PECR: variants seen among roughly 807,000 people sequenced by gnomAD.
PECR encodes peroxisomal trans-2-enoyl-CoA reductase, also known as 2,4-dienoyl-CoA reductase-related protein.
A neutral mutation model predicts 35.3 loss-of-function variants in PECR; 30 were observed. That is an observed-to-expected ratio of 0.85 (90% confidence interval 0.64 to 1.15). PECR has a LOEUF of 1.15. Ranked by LOEUF, PECR falls within the 50% of genes most tolerant of loss-of-function variation. The pLI is 0.00. For synonymous variants in PECR, 148 were observed against 138.9 expected, an observed-to-expected ratio of 1.07 and a Z score of -0.46; for missense variants, 392 against 370.8, an observed-to-expected ratio of 1.06 and a Z score of -0.47.
At chr2:216,039,918 A>C (rs1393842039) in intron 7 of PECR, among the ~76,000 whole-genome samples, 2 of 152,210 alleles carry the variant, frequency 1.3e-5, no homozygotes, top group Admixed American at 6.5e-5. Flanking sequence ...CATTTGCATA[A>C]GTTGATCGAA....
At chr2:216,051,353 C>G in intron 5 of PECR, 96 bp downstream of exon 5, 1 of 760,632 alleles carries the variant, frequency 1.3e-6, no homozygotes, top group Admixed American at 1.8e-5. Context: ...ATCTTTTATG[C>G]TATACTTGCT....
rs116653638 is a variant in PECR at position 216,069,514 on chromosome 2, C to T, written c.125-2996G>A. 2.2e-3 allele frequency among the ~76,000 whole-genome samples: 338 copies of T among 152,266 alleles called. 1 individual carries two copies. Among genetic ancestry groups the T allele is most frequent in the Middle Eastern group, 6.8e-3 (2 of 294 alleles). Reference sequence around the variant, plus strand: ...AAAAGGGGAATGCGTGACACTGCTGCCAGTCTAGAAACTACAGAAAGCCAA... The same window carrying T: ...AAAAGGGGAATGCGTGACACTGCTGTCAGTCTAGAAACTACAGAAAGCCAA... On this transcript the variant is annotated intron_variant, in intron 1 of 7. Transcript: ENST00000265322.
At chr2:216,031,087 A>C (rs982442220) in intron 7 of PECR, among the ~76,000 whole-genome samples, 1 of 151,818 alleles carries the variant, frequency 6.6e-6, no homozygotes, top group East Asian at 1.9e-4. Flanking sequence ...TCATTCCTCC[A>C]AGTAAAATGG....
intron 1 of PECR, among the ~76,000 whole-genome samples, chr2:216,071,507 G>C (rs1468492190): frequency 1.3e-5 from 2 of 152,056 alleles, no homozygotes; most frequent in Non-Finnish European, 2.9e-5. Flanking sequence ...TAAATGTTAT[G>C]GGTTGTGATA....
At chr2:216,029,121 AG>A (rs1415748002) in intron 7 of PECR, among the ~76,000 whole-genome samples, 104 of 152,332 alleles carry the variant, frequency 6.8e-4, no homozygotes, top group African/African-American at 2.5e-3. Flanking sequence ...TTTATTTAAA[AG>A]GAAATAAATA....
At chr2:216,076,683 C>T (rs1695706140) in intron 1 of PECR, among the ~76,000 whole-genome samples, 1 of 151,846 alleles carries the variant, frequency 6.6e-6, no homozygotes, top group Admixed American at 6.6e-5. Flanking sequence ...ACCTGTAGTC[C>T]CAGCTACGTG....
At chr2:216,050,383 T>A (rs971920506) in intron 5 of PECR, among the ~76,000 whole-genome samples, 3 of 152,220 alleles carry the variant, frequency 2.0e-5, no homozygotes, top group African/African-American at 7.2e-5. Flanking sequence ...GAGAGATATA[T>A]TGGTTTCCAA....
At chr2:216,042,942 C>T (rs538796864) in intron 7 of PECR, among the ~76,000 whole-genome samples, 2 of 137,710 alleles carry the variant, frequency 1.5e-5, no homozygotes, top group South Asian at 2.3e-4. Flanking sequence ...TATATACATA[C>T]GTATATGTGT....
intron 2 of PECR, 58 bp from the exon 3 acceptor site, chr2:216,065,535 C>G: frequency 9.8e-7 from 1 of 1,022,874 alleles, no homozygotes; most frequent in Non-Finnish European, 1.5e-6. Context: ...AACTTGCTAC[C>G]TCGCCTGATT....
downstream of PECR, among the ~76,000 whole-genome samples, chr2:216,034,260 G>T (rs1391375068): frequency 6.6e-6 from 1 of 152,216 alleles, no homozygotes; most frequent in Admixed American, 6.5e-5. Context: ...CCAAATGGCA[G>T]CCATGAAAAG....
chr2:216,063,142 A>T (rs6711714), intron 3 of PECR, among the ~76,000 whole-genome samples: 2 of 152,208 alleles, frequency 1.3e-5, no homozygotes, highest in Non-Finnish European at 2.9e-5. Flanking sequence ...AAAATATTTC[A>T]TAACTTGCTT....
At chr2:216,051,739 T>C (rs1695120006) in intron 4 of PECR, among the ~76,000 whole-genome samples, 194 bp from the exon 5 acceptor site, 1 of 152,182 alleles carries the variant, frequency 6.6e-6, no homozygotes, top group Non-Finnish European at 1.5e-5. Flanking sequence ...AAGCCACAGC[T>C]GATGATCAAG....
chr2:216,045,429 G>T (rs1262210742), intron 6 of PECR, among the ~76,000 whole-genome samples: 6 of 152,218 alleles, frequency 3.9e-5, no homozygotes, highest in Admixed American at 3.9e-4. Context: ...ATTAATCCTG[G>T]ATGCTCCGAG....
chr2:216,043,974 G>A lies in PECR; in HGVS notation c.756C>T (p.Ser252=). 1 of 1,612,570 alleles carries A rather than the reference G, an allele frequency of 6.2e-7. No homozygotes were observed. The highest frequency in any genetic ancestry group is 8.5e-7 in the Non-Finnish European group (1 of 1,178,640). ...CATCCACCGACTGTCCAGTGATGAA[G>A]GAAGCTGCAGGAGACAGTAGGAAGC... The part of the protein sequence containing the change: ...VVCFLLSPAA[S]FITGQSVDVD... Residue 252 remains serine, a synonymous_variant, in exon 7 of 8, where the codon TCC becomes TCT. Coordinates refer to ENST00000265322, the MANE Select transcript of PECR (RefSeq NM_018441.6).
chr2:216,057,276 A>G (rs1695247511), intron 4 of PECR, among the ~76,000 whole-genome samples: 1 of 152,208 alleles, frequency 6.6e-6, no homozygotes, highest in African/African-American at 2.4e-5. Flanking sequence ...AAGGTTGGAA[A>G]CAACCCAAAT....
Position 216,043,951 on chromosome 2 carries a change from T to C in PECR, c.779A>G (p.Asp260Gly), listed in dbSNP as rs764947491. The change falls in exon 7 of 8, where the codon GAT (aspartate) becomes GGT (glycine). Residue 260 changes from aspartate (D) to glycine (G), a missense_variant. Asp to Gly is a moderately conservative substitution (Grantham distance 94, BLOSUM62 -1). Coordinates refer to ENST00000265322, the MANE Select transcript of PECR (RefSeq NM_018441.6). ...AASFITGQSV[D>G]VDGGRSLYTH... ...ATAGAGACTCCGGCCCCCATCCACA[T>C]CCACCGACTGTCCAGTGATGAAGGA... is the stretch of plus-strand genomic sequence containing the variant. 96 of 1,612,356 alleles carry C rather than the reference T, an allele frequency of 6.0e-5. No homozygotes were observed. Among genetic ancestry groups the C allele is most frequent in the Non-Finnish European group, 7.6e-5 (89 of 1,178,666 alleles).
At chr2:216,047,788 A>C (rs1241809700) in intron 6 of PECR, among the ~76,000 whole-genome samples, 1 of 152,164 alleles carries the variant, frequency 6.6e-6, no homozygotes, top group Non-Finnish European at 1.5e-5. Flanking sequence ...AGCGTGTTAA[A>C]TTCCCAAAAG....
At chr2:216,075,040 G>C (rs1170392206) in intron 1 of PECR, among the ~76,000 whole-genome samples, 1 of 152,202 alleles carries the variant, frequency 6.6e-6, no homozygotes, top group African/African-American at 2.4e-5. Context: ...CCAGCAATTT[G>C]GGAGGCTAAG....
intron 6 of PECR, among the ~76,000 whole-genome samples, chr2:216,048,424 G>A (rs1019357047): frequency 6.6e-6 from 1 of 150,408 alleles, no homozygotes; most frequent in African/African-American, 2.4e-5. Flanking sequence ...CAAGACTGAT[G>A]CAAAGCTAGG....
Sources: gnomAD v4.1 joint callset for allele counts (sites outside exome capture counted in the v4.1 genomes callset) on GRCh38, gnomAD v4.1.1 for gene constraint, MANE v1.5 for transcripts, NCBI Gene and HGNC (gene_info 2026-07-23, HGNC 2026-07-21) for gene names.